ITGAE: variants seen among roughly 807,000 people sequenced by gnomAD.
ITGAE encodes integrin alpha-E.
In ITGAE, 99 loss-of-function variants were observed where a neutral mutation model predicts 136.5. The ratio of observed to expected loss-of-function variants is 0.73; its 90% confidence interval spans 0.62 to 0.86. The LOEUF (loss-of-function observed/expected upper bound fraction) is 0.86. Among genes scored for constraint, ITGAE ranks in the 40% least tolerant of loss-of-function variants. The pLI is 0.00. For missense variants in ITGAE, 1,447 were observed against 1,515.3 expected (o/e 0.95, Z 0.75); for synonymous variants, 613 against 591.8 (o/e 1.04, Z -0.52).
At chr17:3,739,290 A>T (rs2051530201) in intron 20 of ITGAE, among the ~76,000 whole-genome samples, 1 of 152,160 alleles carries the variant, frequency 6.6e-6, no homozygotes, top group South Asian at 2.1e-4. Flanking sequence ...TCAACATGGA[A>T]TTTACCTACT....
At chr17:3,719,723 T>A (rs1040855822) in intron 29 of ITGAE, among the ~76,000 whole-genome samples, 14 of 151,748 alleles carry the variant, frequency 9.2e-5, no homozygotes, top group Admixed American at 3.9e-4. Context: ...GTAATTCATT[T>A]TTTATTTATT....
At chr17:3,725,238 T>G (rs2051181106) in intron 26 of ITGAE, 1 of 1,614,092 alleles carries the variant, frequency 6.2e-7, no homozygotes, top group African/African-American at 1.3e-5. Context: ...TGCTCCGTCC[T>G]CTTGGCACTC....
At chr17:3,785,143 C>A (rs1032213265) in intron 1 of ITGAE, among the ~76,000 whole-genome samples, 3 of 151,056 alleles carry the variant, frequency 2.0e-5, no homozygotes, top group Non-Finnish European at 4.4e-5. Context: ...CAGAACAAGA[C>A]CCCATGTAAA....
intron 1 of ITGAE, among the ~76,000 whole-genome samples, chr17:3,797,205 G>A (rs1203724428): frequency 1.2e-4 from 15 of 128,928 alleles, no homozygotes; most frequent in South Asian, 5.2e-4. Context: ...TCGCTCTGTC[G>A]CCCAGGCTGG....
At chr17:3,776,350 G>A (rs139780143) in intron 2 of ITGAE, among the ~76,000 whole-genome samples, 4 of 151,644 alleles carry the variant, frequency 2.6e-5, no homozygotes, top group East Asian at 3.9e-4. Flanking sequence ...GAGCCACCGC[G>A]CCCGGCAGAA....
chr17:3,765,387 C>T (rs1007794022), intron 2 of ITGAE, among the ~76,000 whole-genome samples: 2 of 145,416 alleles, frequency 1.4e-5, no homozygotes, highest in Non-Finnish European at 3.0e-5. Context: ...GATGTGGCTA[C>T]AGTGGGTTGG....
At chr17:3,736,723 T>C (rs1391243943) in intron 20 of ITGAE, among the ~76,000 whole-genome samples, 2 of 152,248 alleles carry the variant, frequency 1.3e-5, no homozygotes, top group African/African-American at 4.8e-5. Flanking sequence ...GAAAAACATA[T>C]TAGCAATACC....
rs1555520831 is a variant in ITGAE, at chr17:3,744,447, T to TCTC, written c.2320-831_2320-830insGAG. Among the ~76,000 whole-genome samples the TCTC allele has an allele frequency of 6.0e-3, 188 of 31,510 alleles. 7 individuals are homozygous for TCTC. The highest frequency in any genetic ancestry group is 0.043 in the South Asian group (65 of 1,514). 20.7% of individuals were successfully genotyped at this position (31,510 alleles called of 152,430 possible). A position where few individuals can be genotyped will look rare whatever the true frequency, so the allele number is the denominator to read the frequency against. On this transcript the variant is annotated intron_variant, in intron 18 of 30. Transcript: ENST00000263087. Reference sequence around the variant, plus strand: ...ACCTGGGTTTATCAAGTTCTTTCTCTTTTTTTTTTTTTTTTTTGAGATGGA... The same window carrying TCTC: ...ACCTGGGTTTATCAAGTTCTTTCTCTCTCTTTTTTTTTTTTTTTTTGAGATGGA...
At chr17:3,750,595 G>T in intron 15 of ITGAE, 113 bp from the exon 16 acceptor site, 2 of 1,287,438 alleles carry the variant, frequency 1.6e-6, no homozygotes, top group Non-Finnish European at 1.1e-6. Flanking sequence ...GCCCCAGGGA[G>T]CCCCGAGTCT....
At chr17:3,782,274 CAAAAAA>C (rs61341691) in intron 1 of ITGAE, among the ~76,000 whole-genome samples, 2 of 47,264 alleles carry the variant, frequency 4.2e-5, no homozygotes, top group African/African-American at 8.6e-5. Flanking sequence ...GACTCGGCCT[CAAAAAA>C]AAAAAAAAAA....
At chr17:3,777,913 A>C (rs1335055725) in intron 1 of ITGAE, among the ~76,000 whole-genome samples, 1 of 151,958 alleles carries the variant, frequency 6.6e-6, no homozygotes, top group Non-Finnish European at 1.5e-5. Flanking sequence ...CTCCCCAAAG[A>C]AGCACTTCCC....
intron 26 of ITGAE, chr17:3,726,570 G>A (rs2051218354): frequency 8.1e-6 from 4 of 495,618 alleles, no homozygotes; most frequent in Non-Finnish European, 1.4e-5. Flanking sequence ...GCGTGCGCCT[G>A]TAGTCCCAGC....
At chr17:3,770,763 TG>T (rs991767272) in intron 2 of ITGAE, among the ~76,000 whole-genome samples, 12 of 152,240 alleles carry the variant, frequency 7.9e-5, no homozygotes, top group African/African-American at 2.4e-4. Context: ...GGAGCCCCGC[TG>T]GGCCCTCCCC....
chr17:3,796,850 C>A (rs2143537432), intron 1 of ITGAE, among the ~76,000 whole-genome samples: 1 of 152,284 alleles, frequency 6.6e-6, no homozygotes, highest in African/African-American at 2.4e-5. Flanking sequence ...GAAACCGAGG[C>A]CCATGGGGCA....
intron 14 of ITGAE, among the ~76,000 whole-genome samples, chr17:3,752,719 C>A (rs934374806): frequency 2.0e-4 from 30 of 148,346 alleles, no homozygotes; most frequent in Non-Finnish European, 3.4e-4. Flanking sequence ...CCATTGCACT[C>A]CAGCCTGGAC....
At position 3,776,054 on chromosome 17, in the gene ITGAE, C is replaced by CTTTT. The variant is rs71153398; in HGVS notation, c.155+1482_155+1485dup. Among the ~76,000 whole-genome samples the CTTTT allele has an allele frequency of 3.7e-3, 449 of 122,810 alleles. 13 individuals carry two copies. Among genetic ancestry groups the CTTTT allele is most frequent in the African/African-American group, 8.2e-3 (258 of 31,338 alleles). 80.6% of individuals were successfully genotyped at this position (122,810 alleles called of 152,430 possible). A position where few individuals can be genotyped will look rare whatever the true frequency, so the allele number is the denominator to read the frequency against. Reference sequence around the variant, plus strand: ...ATGTGGCCAGAAATTGTGCTAAGCCCTTTTTTTTTTTTTTTTTTTTTGAGA... The same window carrying CTTTT: ...ATGTGGCCAGAAATTGTGCTAAGCCCTTTTTTTTTTTTTTTTTTTTTTTTTGAGA... On this transcript the variant is annotated intron_variant, in intron 2 of 30. Coordinates refer to ENST00000263087, the MANE Select transcript of ITGAE (RefSeq NM_002208.5).
intron 21 of ITGAE, among the ~76,000 whole-genome samples, chr17:3,734,443 G>C (rs1376136633): frequency 6.6e-6 from 1 of 152,208 alleles, no homozygotes; most frequent in Non-Finnish European, 1.5e-5. Context: ...GCCACAGGGT[G>C]TCCTCGGGAA....
intron 22 of ITGAE, among the ~76,000 whole-genome samples, chr17:3,731,809 A>G (rs2143010800): frequency 6.6e-6 from 1 of 151,650 alleles, no homozygotes; most frequent in African/African-American, 2.4e-5. Context: ...ATGGTGGCTC[A>G]TGCCTGTCAT....
At chr17:3,786,529 C>T (rs2052801712) in intron 1 of ITGAE, among the ~76,000 whole-genome samples, 1 of 152,018 alleles carries the variant, frequency 6.6e-6, no homozygotes, top group Admixed American at 6.6e-5. Context: ...TTGAAACAAC[C>T]GTCTCTCTCG....
Sources: gnomAD v4.1 joint callset for allele counts (sites outside exome capture counted in the v4.1 genomes callset) on GRCh38, gnomAD v4.1.1 for gene constraint, MANE v1.5 for transcripts, NCBI Gene and HGNC (gene_info 2026-07-23, HGNC 2026-07-21) for gene names.